DCC: variants seen among roughly 807,000 people sequenced by gnomAD.
DCC encodes DCC netrin 1 receptor.
A neutral mutation model predicts 172.5 loss-of-function variants in DCC; 58 were observed. That is an observed-to-expected ratio of 0.34 (90% CI 0.27 to 0.42). The LOEUF (loss-of-function observed/expected upper bound fraction) is 0.42. Among genes scored for constraint, DCC ranks in the 10% least tolerant of loss-of-function variants. DCC has a pLI of 1.00. For synonymous variants in DCC, 709 were observed against 644.5 expected, an observed-to-expected ratio of 1.10 and a Z score of -1.52; for missense variants, 1,740 against 1,791.0, an observed-to-expected ratio of 0.97 and a Z score of 0.51.
intron 12 of DCC, among the ~76,000 whole-genome samples, chr18:53,227,501 A>G (rs1461656502): frequency 1.3e-5 from 2 of 152,200 alleles, no homozygotes; most frequent in Non-Finnish European, 2.9e-5. Context: ...GGAAAACTCT[A>G]TGTAAAACTG....
intron 15 of DCC, among the ~76,000 whole-genome samples, chr18:53,348,986 T>C (rs2057756505): frequency 7.5e-6 from 1 of 134,128 alleles, no homozygotes; most frequent in Non-Finnish European, 1.8e-5. Flanking sequence ...CCTTGTTACT[T>C]ATGCAACTTT....
chr18:52,897,994 G>A (rs1013611844), intron 2 of DCC, among the ~76,000 whole-genome samples: 3 of 152,186 alleles, frequency 2.0e-5, no homozygotes, highest in Non-Finnish European at 2.9e-5. Context: ...TCTAGAGAAT[G>A]TCTCTTTGGC....
At chr18:53,332,718 G>A (rs959689542) in intron 14 of DCC, among the ~76,000 whole-genome samples, 7 of 152,100 alleles carry the variant, frequency 4.6e-5, no homozygotes, top group Non-Finnish European at 8.8e-5. Context: ...GCAGCCTAAG[G>A]AAATTTTGGC....
At chr18:53,197,313 A>G (rs2144527234) in intron 9 of DCC, among the ~76,000 whole-genome samples, 1 of 152,164 alleles carries the variant, frequency 6.6e-6, no homozygotes, top group Non-Finnish European at 1.5e-5. Context: ...AAGGGATAGA[A>G]TCAGCCACAG....
At chr18:52,932,186 G>A (rs2040316274) in intron 5 of DCC, among the ~76,000 whole-genome samples, 1 of 152,116 alleles carries the variant, frequency 6.6e-6, no homozygotes. Context: ...GAAGTCAAAA[G>A]TGGTATTTTT....
At chr18:53,002,851 C>T (rs948144393) in intron 5 of DCC, among the ~76,000 whole-genome samples, 1 of 152,070 alleles carries the variant, frequency 6.6e-6, no homozygotes, top group Non-Finnish European at 1.5e-5. Context: ...ATAGGCAAGG[C>T]TGAATGGCTC....
intron 21 of DCC, among the ~76,000 whole-genome samples, chr18:53,426,029 C>T (rs866788570): frequency 6.6e-6 from 1 of 151,188 alleles, no homozygotes; most frequent in Non-Finnish European, 1.5e-5. Flanking sequence ...GTACCTCTGC[C>T]TTTTTTTTCT....
At chr18:53,513,650 C>A (rs1472177831) in intron 27 of DCC, among the ~76,000 whole-genome samples, 2 of 151,962 alleles carry the variant, frequency 1.3e-5, no homozygotes, top group African/African-American at 4.8e-5. Flanking sequence ...CAAAAAAAGG[C>A]AGGGGTTGCA....
intron 1 of DCC, among the ~76,000 whole-genome samples, chr18:52,548,636 G>A (rs1391767259): frequency 6.6e-6 from 1 of 152,092 alleles, no homozygotes; most frequent in Non-Finnish European, 1.5e-5. Context: ...CGAAAACTGG[G>A]TTAGTGTAAT....
At chr18:52,913,976 C>T (rs1032377788) in intron 3 of DCC, among the ~76,000 whole-genome samples, 4 of 152,060 alleles carry the variant, frequency 2.6e-5, no homozygotes, top group East Asian at 1.9e-4. Flanking sequence ...TATAGGCACA[C>T]CTTTATTGAT....
intron 2 of DCC, among the ~76,000 whole-genome samples, chr18:52,854,549 A>G (rs1387571920): frequency 6.6e-6 from 1 of 152,216 alleles, no homozygotes; most frequent in Admixed American, 6.5e-5. Context: ...GAAAGTAAGT[A>G]TCAAATCATT....
chr18:53,225,057 G>T (rs574473552), intron 12 of DCC, among the ~76,000 whole-genome samples: 1 of 152,228 alleles, frequency 6.6e-6, no homozygotes, highest in South Asian at 2.1e-4. Flanking sequence ...AAGAGGAAGG[G>T]TGATTTCACA....
intron 1 of DCC, among the ~76,000 whole-genome samples, chr18:52,582,085 C>T (rs765929970): frequency 8.5e-5 from 13 of 152,100 alleles, no homozygotes; most frequent in Non-Finnish European, 1.8e-4. Context: ...ATCTACAAAG[C>T]TCTATTAATT....
At chr18:52,734,152 T>G (rs917839406) in intron 1 of DCC, among the ~76,000 whole-genome samples, 12 of 152,114 alleles carry the variant, frequency 7.9e-5, no homozygotes, top group African/African-American at 2.9e-4. Context: ...TATTTTTATT[T>G]TTTAAACTTC....
At chr18:52,433,818 A>G (rs538544880) in intron 1 of DCC, among the ~76,000 whole-genome samples, 1 of 152,310 alleles carries the variant, frequency 6.6e-6, no homozygotes, top group Non-Finnish European at 1.5e-5. Context: ...CTATGAATCA[A>G]GTAGGTTTCT....
chr18:53,206,949 C>T (rs989435258), intron 10 of DCC, among the ~76,000 whole-genome samples: 1 of 152,086 alleles, frequency 6.6e-6, no homozygotes, highest in African/African-American at 2.4e-5. Context: ...ATAAGCATTA[C>T]AAGAGCTCCT....
chr18:53,117,216 G>A lies in DCC; in HGVS notation c.1262-40140G>A, dbSNP rs143356822. Among the ~76,000 whole-genome samples the A allele has an allele frequency of 5.6e-3, 852 of 151,816 alleles. 6 individuals are homozygous for A. Among genetic ancestry groups the A allele is most frequent in the Admixed American group, 0.023 (346 of 15,204 alleles). ...CATTGGGAGTTATTTTGGCTGGATT[G>A]CATTGGTCAATATTACCTTTATAAT... On this transcript the variant is annotated intron_variant, in intron 7 of 28. Coordinates refer to ENST00000442544, the MANE Select transcript of DCC (RefSeq NM_005215.4).
chr18:52,680,844 A>T (rs149134664), intron 1 of DCC, among the ~76,000 whole-genome samples: 19 of 152,128 alleles, frequency 1.2e-4, no homozygotes, highest in African/African-American at 4.3e-4. Context: ...CATATAAATT[A>T]TATAGCTGTT....
intron 5 of DCC, among the ~76,000 whole-genome samples, chr18:53,023,355 AAAT>A (rs779870710): frequency 0.015 from 2,140 of 146,984 alleles, 32 homozygotes; most frequent in Non-Finnish European, 0.025. Context: ...AACATAAAAA[AAAT>A]AAAAATAAAA....
Sources: allele counts gnomAD v4.1 joint callset (sites outside exome capture counted in the v4.1 genomes callset), GRCh38; gene constraint gnomAD v4.1.1; transcripts MANE v1.5; gene names NCBI Gene and HGNC (gene_info 2026-07-23, HGNC 2026-07-21).